The following CADPS variants were observed in gnomAD, a reference collection of about 807,000 sequenced individuals.
CADPS encodes the protein calcium dependent secretion activator.
CADPS carries 57 observed loss-of-function variants against 167.3 expected under a neutral mutation model. The ratio of observed to expected loss-of-function variants is 0.34; its 90% confidence interval spans 0.28 to 0.42. The LOEUF (loss-of-function observed/expected upper bound fraction) is 0.42. CADPS is among the 20% of genes least tolerant of loss of function. CADPS has a pLI of 1.00. For missense variants in CADPS, 1,414 were observed against 1,738.1 expected (o/e 0.81, Z 3.32); for synonymous variants, 676 against 635.3 (o/e 1.06, Z -0.96).
chr3:62,796,097 G>A (rs2093386191), intron 1 of CADPS: 2 of 152,232 alleles, frequency 1.3e-5, no homozygotes, highest in South Asian at 2.1e-4. Flanking sequence ...GGAAAATGAA[G>A]GTATTATGTC....
intron 1 of CADPS, among the ~76,000 whole-genome samples, chr3:62,839,118 G>T (rs1245038752): frequency 6.6e-6 from 1 of 152,214 alleles, no homozygotes; most frequent in Non-Finnish European, 1.5e-5. Flanking sequence ...CAGTTGTGGG[G>T]ATGATGACCT....
intron 1 of CADPS, among the ~76,000 whole-genome samples, chr3:62,781,500 G>C (rs778857871): frequency 4.6e-5 from 7 of 152,186 alleles, no homozygotes; most frequent in Non-Finnish European, 1.0e-4. Flanking sequence ...CACATCAGCA[G>C]AGAAGGGACA....
intron 17 of CADPS, 65 bp downstream of exon 17, chr3:62,512,686 A>G: frequency 7.2e-7 from 1 of 1,388,928 alleles, no homozygotes. Flanking sequence ...ATTGAAAAAC[A>G]AAAACAAAAA....
chr3:62,537,408 C>G (rs1255312582), intron 11 of CADPS, among the ~76,000 whole-genome samples: 5 of 152,156 alleles, frequency 3.3e-5, no homozygotes, highest in African/African-American at 1.2e-4. Flanking sequence ...ATACACTATA[C>G]TCAACAGGCA....
At chr3:62,574,228 T>C (rs2081859424) in intron 8 of CADPS, among the ~76,000 whole-genome samples, 1 of 152,122 alleles carries the variant, frequency 6.6e-6, no homozygotes, top group African/African-American at 2.4e-5. Flanking sequence ...ACCTCTTAAA[T>C]GGGTAAATCA....
chr3:62,851,121 T>G lies in CADPS; in HGVS notation c.441+23468A>C, dbSNP rs1176463928. Among the ~76,000 whole-genome samples the G allele has an allele frequency of 1.3e-3, 160 of 127,120 alleles. 2 individuals carry two copies. Among genetic ancestry groups the G allele is most frequent in the African/African-American group, 4.3e-3 (151 of 34,824 alleles). 83.4% of individuals were successfully genotyped at this position (127,120 alleles called of 152,430 possible). ...CCCCTGCCTTTTTTTGTTTTCCATTTGCTTGGTAGATCTTCCTCCATCCTT... is the reference window on the plus strand; with the variant it reads ...CCCCTGCCTTTTTTTGTTTTCCATTGGCTTGGTAGATCTTCCTCCATCCTT... On this transcript the variant is annotated intron_variant, in intron 1 of 29. Transcript: ENST00000383710.
chr3:62,519,175 ACT>A (rs2069780513), intron 13 of CADPS, among the ~76,000 whole-genome samples: 1 of 152,174 alleles, frequency 6.6e-6, no homozygotes, highest in Non-Finnish European at 1.5e-5. Flanking sequence ...TCTCATAGTG[ACT>A]TGTTTTGACT....
chr3:62,688,204 C>T (rs2078445357), intron 3 of CADPS, among the ~76,000 whole-genome samples: 1 of 151,366 alleles, frequency 6.6e-6, no homozygotes, highest in East Asian at 2.0e-4. Context: ...TACTTGGCCA[C>T]TACCCAATGT....
chr3:62,627,084 T>G (rs1280969930), intron 6 of CADPS, among the ~76,000 whole-genome samples: 1 of 152,028 alleles, frequency 6.6e-6, no homozygotes, highest in Non-Finnish European at 1.5e-5. Flanking sequence ...TAATCTTAAG[T>G]TCTTAACTCC....
At chr3:62,676,471 T>C (rs981768274) in intron 3 of CADPS, among the ~76,000 whole-genome samples, 1 of 152,132 alleles carries the variant, frequency 6.6e-6, no homozygotes, top group South Asian at 2.1e-4. Flanking sequence ...ACTCAGTTGA[T>C]TAAGGATGAC....
intron 6 of CADPS, among the ~76,000 whole-genome samples, chr3:62,606,583 T>C (rs1376545868): frequency 6.6e-6 from 1 of 152,180 alleles, no homozygotes; most frequent in Non-Finnish European, 1.5e-5. Context: ...TCTTTATAAA[T>C]TATCCAGTTT....
In CADPS at chr3:62,542,047, A is replaced by G. The variant is rs116303984; in HGVS notation, c.1967-5466T>C. ...GTCAAATCTACCTTTTTATTCTGTG[A>G]TATTACATTTTGGAAATTTTTCTGG... On this transcript the variant is annotated intron_variant, in intron 11 of 29. Coordinates refer to ENST00000383710, the MANE Select transcript of CADPS (RefSeq NM_003716.4). Among the ~76,000 whole-genome samples the G allele has an allele frequency of 4.3e-3, 655 of 152,298 alleles. 4 individuals are homozygous for G. The highest frequency in any genetic ancestry group is 7.3e-3 in the Non-Finnish European group (499 of 68,018).
intron 24 of CADPS, among the ~76,000 whole-genome samples, chr3:62,473,175 C>T (rs1252654488): frequency 6.7e-6 from 1 of 150,142 alleles, no homozygotes; most frequent in East Asian, 2.0e-4. Context: ...GAACTTAATC[C>T]CCAGGAAAAG....
At chr3:62,404,913 G>A (rs1430747805) in intron 28 of CADPS, 2 of 148,836 alleles carry the variant, frequency 1.3e-5, no homozygotes, top group Non-Finnish European at 3.0e-5. Context: ...AATTTTTTTT[G>A]TTAATGGTTG....
chr3:62,491,402 A>G lies in CADPS; in HGVS notation c.2963T>C (p.Met988Thr). The G allele has an allele frequency of 6.2e-7, 1 of 1,614,190 alleles. No homozygotes were observed. The highest frequency in any genetic ancestry group is 8.5e-7 in the Non-Finnish European group (1 of 1,180,016). Residue 988 changes from methionine to threonine, a missense_variant, in exon 21 of 30, where the codon ATG (methionine) becomes ACG (threonine). By Grantham distance (81) the Met-to-Thr change is moderately conservative. Around this residue, in one of 6 missense-constraint regions of CADPS, gnomAD observed 529 missense variants for 629.6 expected, o/e 0.84. Transcript: ENST00000383710. ...APLVVRYVDL[M>T]ESSIAQSIHR... ...AATGGATTGTGCAATTGAGGACTCC[A>G]TCAGATCCACATATCTAACAACAAG...
Position 62,399,698 on chromosome 3 carries a change from T to G in CADPS, c.3883-113A>C. On this transcript the variant is annotated intron_variant, in intron 29 of 29. Coordinates refer to ENST00000383710, the MANE Select transcript of CADPS (RefSeq NM_003716.4). The surrounding 1 kb of genome is among the most constrained non-coding windows in gnomAD (Gnocchi z 5.6). Reference sequence around the variant, plus strand: ...ACTGACCTTCAGCTAAATATCACACTTTATGCATTGTCAAATAAAAAGCCA... The same window carrying G: ...ACTGACCTTCAGCTAAATATCACACGTTATGCATTGTCAAATAAAAAGCCA... 1 of 763,790 alleles carries G rather than the reference T, an allele frequency of 1.3e-6. No homozygotes were observed. The highest frequency in any genetic ancestry group is 2.2e-6 in the Non-Finnish European group (1 of 464,138). 47.3% of individuals were successfully genotyped at this position (763,790 alleles called of 1,614,324 possible).
In CADPS at chr3:62,602,466, C is replaced by A. The variant is rs1217324947; in HGVS notation, c.1326-9718G>T. Among the ~76,000 whole-genome samples, 1 of 152,098 alleles carries A rather than the reference C, an allele frequency of 6.6e-6. No homozygotes were observed. Among genetic ancestry groups the A allele is most frequent in the African/African-American group, 2.4e-5 (1 of 41,402 alleles). On this transcript the variant is annotated intron_variant, in intron 6 of 29. Coordinates refer to ENST00000383710, the MANE Select transcript of CADPS (RefSeq NM_003716.4). This position sits in a 1 kb window ranked among gnomAD's most constrained non-coding sequence, Gnocchi z 4.4. ...TTCAAGGAATGAAAGTGCCGTGGTC[C>A]TGTTGCTAAGAAGGAAAGTTAATAA...
chr3:62,441,356 A>T (rs2056282056), intron 27 of CADPS, among the ~76,000 whole-genome samples: 1 of 152,224 alleles, frequency 6.6e-6, no homozygotes, highest in Non-Finnish European at 1.5e-5. Context: ...TCAGAAAAAG[A>T]AGAACATTTT....
At chr3:62,442,852 C>T (rs1183783486) in intron 27 of CADPS, among the ~76,000 whole-genome samples, 2 of 152,010 alleles carry the variant, frequency 1.3e-5, no homozygotes, top group African/African-American at 4.8e-5. Context: ...AATATTAACC[C>T]CTCCTAGGAT....
Sources: gnomAD v4.1 joint callset for allele counts (sites outside exome capture counted in the v4.1 genomes callset) on GRCh38, gnomAD v4.1.1 for gene constraint, gnomAD v4.1.1 regional missense constraint, Gnocchi (gnomAD v3.1) non-coding constraint, MANE v1.5 for transcripts, NCBI Gene and HGNC (gene_info 2026-07-23, HGNC 2026-07-21) for gene names.